The following FBXW10B variants were observed in gnomAD, a reference collection of about 807,000 sequenced individuals.
FBXW10B encodes the protein F-box and WD repeat domain containing 10B.
chr17:15,567,271 CA>C, the FBXW10B span, among the ~76,000 whole-genome samples: 55,606 of 118,922 alleles, frequency 0.47, 12,963 homozygotes, highest in Middle Eastern at 0.62. Flanking sequence ...GACTCCATCT[CA>C]AAAAAAAAAA....
the FBXW10B span, chr17:15,596,488 G>A: frequency 2.4e-4 from 370 of 1,541,930 alleles, 1 homozygote; most frequent in East Asian, 6.7e-3. Flanking sequence ...TGCCCTTTCC[G>A]CCAAGGTAGC....
At chr17:15,608,148 T>C in the FBXW10B span, among the ~76,000 whole-genome samples, 1 of 145,870 alleles carries the variant, frequency 6.9e-6, no homozygotes, top group Non-Finnish European at 1.5e-5. Flanking sequence ...ACACATGCTA[T>C]GCTATGCATT....
At chr17:15,618,896 G>T in the FBXW10B span, 2 of 1,535,750 alleles carry the variant, frequency 1.3e-6, no homozygotes, top group Non-Finnish European at 1.8e-6. Flanking sequence ...GCTGCATTCT[G>T]TGCAATCTCT....
chr17:15,603,289 A>G, the FBXW10B span, among the ~76,000 whole-genome samples: 5,801 of 151,920 alleles, frequency 0.038, 348 homozygotes, highest in African/African-American at 0.13. Context: ...TTTGGGCTTC[A>G]TCTGCACCGT....
At chr17:15,613,778 G>C in the FBXW10B span, 62 of 1,612,584 alleles carry the variant, frequency 3.8e-5, no homozygotes, top group Middle Eastern at 3.3e-4. Flanking sequence ...AGAAACCCCA[G>C]AACTGGGCCA....
chr17:15,612,578 T>C, the FBXW10B span: 4 of 1,392,008 alleles, frequency 2.9e-6, no homozygotes, highest in Non-Finnish European at 2.9e-6. Context: ...TCGTCTTCCT[T>C]AAGGAGTGTC....
the FBXW10B span, among the ~76,000 whole-genome samples, chr17:15,597,874 C>A: frequency 5.9e-5 from 9 of 152,282 alleles, no homozygotes; most frequent in East Asian, 1.7e-3. Context: ...TATTATTATT[C>A]CCCACTACAC....
the FBXW10B span, among the ~76,000 whole-genome samples, chr17:15,585,071 C>G: frequency 6.9e-6 from 1 of 145,446 alleles, no homozygotes; most frequent in African/African-American, 2.5e-5. Context: ...TTTTTAGAGT[C>G]TCATAGGGAA....
chr17:15,572,706 GGA>G, the FBXW10B span: 2 of 151,602 alleles, frequency 1.3e-5, no homozygotes, highest in African/African-American at 4.9e-5. Context: ...GAGAACTGAA[GGA>G]GAGTGATGCA....
At chr17:15,602,005 G>A in the FBXW10B span, among the ~76,000 whole-genome samples, 26 of 151,908 alleles carry the variant, frequency 1.7e-4, no homozygotes, top group African/African-American at 2.9e-4. Flanking sequence ...CCAGCTACTC[G>A]GGAGGCTGAG....
chr17:15,589,510 G>T, the FBXW10B span, among the ~76,000 whole-genome samples: 3 of 151,154 alleles, frequency 2.0e-5, no homozygotes, highest in Admixed American at 1.3e-4. Flanking sequence ...CCCCTCTTAT[G>T]AAAGGGCAGA....
At chr17:15,615,341 T>TTTTTTTG in the FBXW10B span, among the ~76,000 whole-genome samples, 1 of 134,322 alleles carries the variant, frequency 7.4e-6, no homozygotes, top group African/African-American at 3.2e-5. Context: ...TTTTTTTTTT[T>TTTTTTTG]GAGACAGTCT....
the FBXW10B span, chr17:15,612,745 T>C: frequency 1.7e-4 from 267 of 1,613,958 alleles, no homozygotes; most frequent in Non-Finnish European, 2.2e-4. Flanking sequence ...CGCATGCTCT[T>C]CCCGTCATCT....
At chr17:15,571,968 G>GT in the FBXW10B span, 2 of 112,232 alleles carry the variant, frequency 1.8e-5, no homozygotes, top group South Asian at 3.0e-4. Context: ...AAACGGCGGT[G>GT]GGGGGAGGGG....
chr17:15,611,160 AC>A, the FBXW10B span, among the ~76,000 whole-genome samples: 2 of 151,034 alleles, frequency 1.3e-5, no homozygotes, highest in Admixed American at 1.3e-4. Context: ...AGTAGATGGG[AC>A]TAGAGGCACT....
chr17:15,567,282 A>AG, the FBXW10B span, among the ~76,000 whole-genome samples: 1 of 151,900 alleles, frequency 6.6e-6, no homozygotes, highest in African/African-American at 2.4e-5. Flanking sequence ...AAAAAAAAAA[A>AG]AAAAACTGAG....
At chr17:15,596,749 C>T in the FBXW10B span, 1 of 1,423,914 alleles carries the variant, frequency 7.0e-7, no homozygotes, top group South Asian at 1.4e-5. Flanking sequence ...CTCCCCATCA[C>T]AGAAGCAAAG....
At chr17:15,569,455 C>CT in the FBXW10B span, among the ~76,000 whole-genome samples, 1,195 of 59,188 alleles carry the variant, frequency 0.02, 70 homozygotes, top group Non-Finnish European at 0.024. Context: ...TTTTCTTTTT[C>CT]TTTTTTTTTT....
chr17:15,619,084 C>G, the FBXW10B span: 1 of 1,613,822 alleles, frequency 6.2e-7, no homozygotes, highest in East Asian at 2.2e-5. Context: ...TGGGGTTGCA[C>G]ATCTGCAGCA....
Sources: allele counts gnomAD v4.1 joint callset (sites outside exome capture counted in the v4.1 genomes callset), GRCh38; gene constraint gnomAD v4.1.1; transcripts MANE v1.5; gene names NCBI Gene and HGNC (gene_info 2026-07-23, HGNC 2026-07-21).